The following GCN1 variants were observed in gnomAD, a reference collection of about 807,000 sequenced individuals.
GCN1 encodes stalled ribosome sensor GCN1.
Under a neutral mutation model 288.4 loss-of-function variants are expected in GCN1, and 90 were observed. The observed-to-expected ratio is 0.31, with a 90% CI of 0.26 to 0.37. The LOEUF (loss-of-function observed/expected upper bound fraction) is 0.37, where lower values mean the gene tolerates loss of function less well. Among genes scored for constraint, GCN1 ranks in the 10% least tolerant of loss-of-function variants. The pLI, the probability that GCN1 is intolerant of heterozygous loss-of-function variation, is 1.00. For missense variants in GCN1, 2,586 were observed against 3,419.9 expected (o/e 0.76, Z 6.08); for synonymous variants, 1,386 against 1,420.2 (o/e 0.98, Z 0.54).
At chr12:120,187,199 A>G (rs1878847795) in intron 2 of GCN1, among the ~76,000 whole-genome samples, 1 of 150,640 alleles carries the variant, frequency 6.6e-6, no homozygotes, top group South Asian at 2.1e-4. Context: ...CCCAATCTAT[A>G]TGGCCATGAT....
intron 51 of GCN1, 54 bp downstream of exon 51, chr12:120,136,448 C>T: frequency 7.5e-7 from 1 of 1,342,280 alleles, no homozygotes; most frequent in South Asian, 1.2e-5. Context: ...TTGTATCAGG[C>T]TCCTGCAGAC....
chr12:120,183,590 T>C lies in GCN1; in HGVS notation c.405A>G (p.Gln135=), dbSNP rs772444461. ...RIVFPSRAKR[Q]GDIWNKLVEV... ...CTACCAGTTTGTTCCAGATGTCTCCTTGTCGCTTGGCTCTCGATGGAAAGA... is the reference window on the plus strand; with the variant it reads ...CTACCAGTTTGTTCCAGATGTCTCCCTGTCGCTTGGCTCTCGATGGAAAGA... The change falls in exon 5 of 58, where the codon CAA becomes CAG. Residue 135 remains glutamine, a synonymous_variant. Coordinates refer to ENST00000300648, the MANE Select transcript of GCN1 (RefSeq NM_006836.2). 8 of 1,610,992 alleles carry C rather than the reference T, an allele frequency of 5.0e-6. No homozygotes were observed. In the South Asian group the frequency reaches 5.5e-5, roughly 11 times the overall value.
At chr12:120,128,072 TAG>T in intron 57 of GCN1, 98 bp from the exon 58 acceptor site, 2 of 1,322,026 alleles carry the variant, frequency 1.5e-6, no homozygotes, top group Non-Finnish European at 2.1e-6. Context: ...ACCCCAGAAC[TAG>T]AGACACTGAG....
At position 120,158,011 on chromosome 12, in the gene GCN1, C is replaced by T. The variant is rs757696347; in HGVS notation, c.2925G>A (p.Ala975=). 1.9e-6 allele frequency: 3 copies of T among 1,613,878 alleles called. No individual in the cohort carries two copies. Among genetic ancestry groups the T allele is most frequent in the South Asian group, 1.1e-5 (1 of 91,084 alleles). Residue 975 remains alanine (A), a synonymous_variant, in exon 26 of 58, where the codon GCG becomes GCA. Transcript: ENST00000300648. This position sits in a 1 kb window ranked among gnomAD's most constrained non-coding sequence, Gnocchi z 4.3. ...KGEPGAAPLS[A]PAFSLVFPFL... Reference sequence around the variant, plus strand: ...ACGGGAAGACTAAGGAGAAGGCTGGCGCGGACAAGGGCGCAGCACCTGTGA... The same window carrying T: ...ACGGGAAGACTAAGGAGAAGGCTGGTGCGGACAAGGGCGCAGCACCTGTGA...
At chr12:120,183,047 G>A (rs974531110) in intron 5 of GCN1, among the ~76,000 whole-genome samples, 4 of 151,906 alleles carry the variant, frequency 2.6e-5, no homozygotes, top group African/African-American at 4.8e-5. Flanking sequence ...CCAACCTGGT[G>A]AGCAGACATG....
At position 120,156,028 on chromosome 12, in the gene GCN1, C is replaced by A. The variant is rs1478623895; in HGVS notation, c.3313-309G>T. On this transcript the variant is annotated intron_variant, in intron 28 of 57. Coordinates refer to ENST00000300648, the MANE Select transcript of GCN1 (RefSeq NM_006836.2). The surrounding 1 kb of genome is among the most constrained non-coding windows in gnomAD (Gnocchi z 5.8). ...TATTGTCATCATTTTCACATTTTAC[C>A]AAAAGCCAGTGAAAACTCTGTCACA... 6.6e-6 allele frequency among the ~76,000 whole-genome samples: 1 copy of A among 151,974 alleles called. No homozygotes were observed. The highest frequency in any genetic ancestry group is 1.5e-5 in the Non-Finnish European group (1 of 68,002).
intron 56 of GCN1, 101 bp from the exon 57 acceptor site, chr12:120,129,595 C>T: frequency 2.3e-6 from 2 of 853,964 alleles, no homozygotes; most frequent in East Asian, 2.4e-5. Flanking sequence ...AGCATGAACA[C>T]TGACCCCCCC....
chr12:120,135,838 AC>A (rs1876985069), intron 51 of GCN1, among the ~76,000 whole-genome samples: 1 of 151,654 alleles, frequency 6.6e-6, no homozygotes, highest in Non-Finnish European at 1.5e-5. Flanking sequence ...GCCTGGTGAA[AC>A]CCTGTCTCTA....
In GCN1 at chr12:120,138,049, T is replaced by A. The variant is rs1460736045; in HGVS notation, c.6250-5A>T. The stretch of plus-strand genomic sequence containing the variant: ...GTTGACAGGTGGCGTTGTCAGCTGG[T>A]GGAATGACAAACATTAACTCAGTGA... On this transcript the variant is annotated splice_polypyrimidine_tract_variant and splice_region_variant and intron_variant, in intron 47 of 57. Transcript: ENST00000300648. The A allele has an allele frequency of 6.2e-7, 1 of 1,609,518 alleles. No individual in the cohort carries two copies. Among genetic ancestry groups the A allele is most frequent in the African/African-American group, 1.3e-5 (1 of 74,782 alleles).
At position 120,175,873 on chromosome 12, in the gene GCN1, A is replaced by G. The variant is rs761169205; in HGVS notation, c.915T>C (p.Gly305=). The change falls in exon 11 of 58, where the codon GGT becomes GGC. Residue 305 remains glycine (G), a splice_region_variant and synonymous_variant. Coordinates refer to ENST00000300648, the MANE Select transcript of GCN1 (RefSeq NM_006836.2). Reference sequence around the variant, plus strand: ...GGCGGGGACTGTTGGATTTCAGGTGACCTGCACACACAAAGCCACTGCTCA... The same window carrying G: ...GGCGGGGACTGTTGGATTTCAGGTGGCCTGCACACACAAAGCCACTGCTCA... ...YAMDIVKGLA[G]HLKSNSPRLM... The G allele has an allele frequency of 6.2e-7, 1 of 1,603,622 alleles. No homozygotes were observed. The highest frequency in any genetic ancestry group is 1.1e-5 in the South Asian group (1 of 89,120).
At chr12:120,169,466 A>C (rs1292217478) in intron 15 of GCN1, among the ~76,000 whole-genome samples, 1 of 151,450 alleles carries the variant, frequency 6.6e-6, no homozygotes, top group African/African-American at 2.4e-5. Context: ...CAGCATGTTC[A>C]ATTACATAAC....
chr12:120,163,875 C>A lies in GCN1; in HGVS notation c.1848+461G>T, dbSNP rs577568738. On this transcript the variant is annotated intron_variant, in intron 18 of 57. Coordinates refer to ENST00000300648, the MANE Select transcript of GCN1 (RefSeq NM_006836.2). The stretch of plus-strand genomic sequence containing the variant: ...CGGTGGCTCGTGCCTGTAATCCCAA[C>A]ACTTTGGGAAGCCGAGGTAGGAGGA... Among the ~76,000 whole-genome samples the A allele has an allele frequency of 1.4e-3, 213 of 152,326 alleles. 2 individuals are homozygous for A. In the South Asian group the frequency reaches 0.031, roughly 22 times the overall value.
At position 120,154,970 on chromosome 12, in the gene GCN1, C is replaced by T; in HGVS notation, c.3701G>A (p.Arg1234Lys). The part of the protein sequence containing the change: ...SESPPDQWEA[R>K]CGLALALNKL... Reference sequence around the variant, plus strand: ...GAACGAGGCTGAACAATTGTTATACCTGGCTTCCCACTGATCTGGAGGAGA... The same window carrying T: ...GAACGAGGCTGAACAATTGTTATACTTGGCTTCCCACTGATCTGGAGGAGA... Residue 1234 changes from arginine to lysine, a missense_variant and splice_region_variant, in exon 31 of 58, where the codon AGG becomes AAG. Arg to Lys is a conservative substitution (Grantham distance 26). Around this residue, in one of 8 missense-constraint regions of GCN1, gnomAD observed 332 missense variants for 403.0 expected, o/e 0.82. Transcript: ENST00000300648. 6.2e-7 allele frequency: 1 copy of T among 1,612,132 alleles called. No homozygotes were observed. The highest frequency in any genetic ancestry group is 8.5e-7 in the Non-Finnish European group (1 of 1,178,126).
chr12:120,179,050 C>G (rs1335948365), intron 5 of GCN1, 100 bp from the exon 6 acceptor site: 1 of 919,284 alleles, frequency 1.1e-6, no homozygotes, highest in Non-Finnish European at 1.7e-6. Context: ...CCTCCAAATC[C>G]TGGCTTCATC....
chr12:120,161,859 A>G (rs753687285), intron 21 of GCN1, 21 bp downstream of exon 21: 1 of 1,610,470 alleles, frequency 6.2e-7, no homozygotes, highest in South Asian at 1.1e-5. Flanking sequence ...AAGGAAACTG[A>G]GCCCATAAGT....
Position 120,153,216 on chromosome 12 carries a change from C to T in GCN1, c.4059G>A (p.Gln1353=), listed in dbSNP as rs757953624. ...KLIAALSTPS[Q]QVQESVASCL... is the part of the protein sequence containing the mutation. ...TCCCAGGCCAGATGGCAGGTACCTGCTGGGAGGGGGTGGAGAGGGCAGCGA... is the reference window on the plus strand; with the variant it reads ...TCCCAGGCCAGATGGCAGGTACCTGTTGGGAGGGGGTGGAGAGGGCAGCGA... The change falls in exon 33 of 58, where the codon CAG becomes CAA. Residue 1353 remains glutamine, a synonymous_variant. Transcript: ENST00000300648. The surrounding 1 kb of genome is among the most constrained non-coding windows in gnomAD (Gnocchi z 4.4). 1 of 1,613,736 alleles carries T rather than the reference C, an allele frequency of 6.2e-7. No homozygotes were observed. The highest frequency in any genetic ancestry group is 8.5e-7 in the Non-Finnish European group (1 of 1,179,726).
At chr12:120,184,611 C>A (rs911133778) in intron 3 of GCN1, among the ~76,000 whole-genome samples, 4 of 152,146 alleles carry the variant, frequency 2.6e-5, no homozygotes, top group African/African-American at 9.7e-5. Flanking sequence ...AACAACCACC[C>A]ATGAGATAGA....
In GCN1 at chr12:120,151,221, G is replaced by A. The variant is rs374381228; in HGVS notation, c.4233C>T (p.Leu1411=). The A allele has an allele frequency of 1.2e-5, 20 of 1,613,990 alleles. No homozygotes were observed. Among genetic ancestry groups the A allele is most frequent in the Non-Finnish European group, 1.6e-5 (19 of 1,179,986 alleles). ...CCATCATCTCCTGTTGCTTCAGCGA[G>A]AGGATGCCCAGGCCCTTCACCAGGC... The part of the protein sequence containing the change: ...LAGLVKGLGI[L]SLKQQEMMAA... The change falls in exon 34 of 58, where the codon CTC becomes CTT. Residue 1411 remains leucine (L), a synonymous_variant. Coordinates refer to ENST00000300648, the MANE Select transcript of GCN1 (RefSeq NM_006836.2).
chr12:120,162,801 G>T, intron 20 of GCN1, 46 bp downstream of exon 20: 1 of 1,600,902 alleles, frequency 6.2e-7, no homozygotes, highest in African/African-American at 1.3e-5. Context: ...GTGATGAGAG[G>T]GCCCCCTCCC....
Sources: gnomAD v4.1 joint callset for allele counts (sites outside exome capture counted in the v4.1 genomes callset) on GRCh38, gnomAD v4.1.1 for gene constraint, gnomAD v4.1.1 regional missense constraint, Gnocchi (gnomAD v3.1) non-coding constraint, MANE v1.5 for transcripts, NCBI Gene and HGNC (gene_info 2026-07-23, HGNC 2026-07-21) for gene names.